EYS: variants seen among roughly 807,000 people sequenced by gnomAD.
EYS encodes the protein EGF-like photoreceptor maintenance factor.
In EYS, 250 loss-of-function variants were observed where a neutral mutation model predicts 282.1. That is an observed-to-expected ratio of 0.89 (90% CI 0.80 to 0.98). The LOEUF (loss-of-function observed/expected upper bound fraction) is 0.98. Among genes scored for constraint, EYS ranks in the 50% least tolerant of loss-of-function variants. EYS has a pLI of 0.00. For synonymous variants in EYS, 1,355 were observed against 1,282.9 expected, an observed-to-expected ratio of 1.06 and a Z score of -1.20; for missense variants, 4,016 against 3,709.0, an observed-to-expected ratio of 1.08 and a Z score of -2.15.
At chr6:64,839,608 A>G (rs1165163110) in intron 19 of EYS, among the ~76,000 whole-genome samples, 2 of 151,934 alleles carry the variant, frequency 1.3e-5, no homozygotes, top group Admixed American at 6.6e-5. Flanking sequence ...GCCTGTTTGT[A>G]TTGCTATAAT....
intron 5 of EYS, among the ~76,000 whole-genome samples, chr6:65,424,223 C>A (rs1227315067): frequency 6.6e-6 from 1 of 151,898 alleles, no homozygotes; most frequent in East Asian, 1.9e-4. Context: ...GATTAACAAT[C>A]CATAATCTCC....
At chr6:65,112,011 A>G (rs1307741002) in intron 12 of EYS, among the ~76,000 whole-genome samples, 1 of 152,132 alleles carries the variant, frequency 6.6e-6, no homozygotes, top group East Asian at 1.9e-4. Flanking sequence ...CCTCCGCTTG[A>G]GATATGAGAT....
chr6:65,525,054 G>T (rs957054741), intron 2 of EYS, among the ~76,000 whole-genome samples: 2 of 117,506 alleles, frequency 1.7e-5, no homozygotes, highest in Non-Finnish European at 3.4e-5. Flanking sequence ...TTTCTAAACT[G>T]ATTTTTTTTT....
chr6:64,324,836 G>T (rs1354312124), intron 29 of EYS, among the ~76,000 whole-genome samples: 2 of 152,144 alleles, frequency 1.3e-5, no homozygotes, highest in Non-Finnish European at 2.9e-5. Flanking sequence ...CAGGCTGAGA[G>T]TCAAATCAAG....
intron 22 of EYS, among the ~76,000 whole-genome samples, chr6:64,796,107 T>C (rs1192608938): frequency 6.6e-6 from 1 of 152,200 alleles, no homozygotes; most frequent in African/African-American, 2.4e-5. Context: ...ATCTGGATGT[T>C]ATTGAGGCAG....
At chr6:64,127,526 A>C (rs1773825159) in intron 31 of EYS, among the ~76,000 whole-genome samples, 1 of 152,140 alleles carries the variant, frequency 6.6e-6, no homozygotes, top group African/African-American at 2.4e-5. Context: ...TATTGTGTTC[A>C]AAATGATTTC....
intron 34 of EYS, among the ~76,000 whole-genome samples, chr6:63,998,102 A>G (rs1767917754): frequency 6.6e-6 from 1 of 152,196 alleles, no homozygotes; most frequent in Non-Finnish European, 1.5e-5. Context: ...GAAGATCAGT[A>G]CAGTGCATTA....
intron 5 of EYS, among the ~76,000 whole-genome samples, chr6:65,413,743 C>T (rs1482880714): frequency 1.3e-5 from 2 of 151,956 alleles, no homozygotes; most frequent in Non-Finnish European, 2.9e-5. Context: ...GTAACCCCTG[C>T]TACTCGGAAG....
chr6:64,264,270 C>T (rs1437663534), intron 30 of EYS, among the ~76,000 whole-genome samples: 1 of 152,094 alleles, frequency 6.6e-6, no homozygotes. Flanking sequence ...CACAATTCGG[C>T]AGGTTGCTAA....
intron 12 of EYS, among the ~76,000 whole-genome samples, chr6:65,233,492 C>T (rs923681194): frequency 1.3e-5 from 2 of 152,062 alleles, no homozygotes; most frequent in South Asian, 2.1e-4. Flanking sequence ...AAGAATATAG[C>T]TATTTATTGT....
At chr6:64,936,400 T>C (rs1182109381) in intron 15 of EYS, among the ~76,000 whole-genome samples, 2 of 151,480 alleles carry the variant, frequency 1.3e-5, no homozygotes. Flanking sequence ...ACAAGCATAT[T>C]TAGTCTGTCA....
At chr6:64,261,876 C>A (rs1767600990) in intron 30 of EYS, among the ~76,000 whole-genome samples, 1 of 151,862 alleles carries the variant, frequency 6.6e-6, no homozygotes, top group Admixed American at 6.6e-5. Flanking sequence ...CCCACCTCTT[C>A]CTCCTGAGTA....
At chr6:64,799,198 CT>C (rs1253795966) in intron 22 of EYS, among the ~76,000 whole-genome samples, 1 of 151,688 alleles carries the variant, frequency 6.6e-6, no homozygotes, top group Admixed American at 6.6e-5. Flanking sequence ...ACCTCTACTA[CT>C]TTTTTTTAAT....
intron 2 of EYS, among the ~76,000 whole-genome samples, chr6:65,582,240 CTG>C (rs2127361332): frequency 6.8e-6 from 1 of 146,080 alleles, no homozygotes; most frequent in South Asian, 2.1e-4. Flanking sequence ...TAAAAGCTTT[CTG>C]AGAACATTTG....
chr6:65,586,647 C>G (rs545166925), intron 2 of EYS, among the ~76,000 whole-genome samples: 2 of 152,056 alleles, frequency 1.3e-5, no homozygotes, highest in East Asian at 3.9e-4. Context: ...ATGCCCACCA[C>G]AGAATAAGAA....
At chr6:64,658,772 G>T (rs1045038550) in intron 22 of EYS, among the ~76,000 whole-genome samples, 2 of 152,150 alleles carry the variant, frequency 1.3e-5, no homozygotes, top group South Asian at 4.1e-4. Flanking sequence ...CTACTGGGGG[G>T]TGCCTCCCAG....
At position 65,261,059 on chromosome 6, in the gene EYS, T is replaced by C. The variant is rs141675469; in HGVS notation, c.2023+34804A>G. On this transcript the variant is annotated intron_variant, in intron 12 of 42. Transcript: ENST00000503581. ...GACTTTACTTGGGGGAACTTTGCAC[T>C]TCACTGATCTTTAAAGAGTGGAGAA... 2.6e-5 allele frequency among the ~76,000 whole-genome samples: 4 copies of C among 152,156 alleles called. No individual in the cohort carries two copies. In the East Asian group the frequency reaches 7.7e-4, roughly 29 times the overall value.
At chr6:65,430,819 C>A (rs112571154) in intron 5 of EYS, among the ~76,000 whole-genome samples, 2,333 of 152,230 alleles carry the variant, frequency 0.015, 20 homozygotes, top group Middle Eastern at 0.044. Context: ...AGGATCCAGT[C>A]CTGGCAGCAT....
At chr6:64,483,215 A>C (rs747149701) in intron 26 of EYS, among the ~76,000 whole-genome samples, 14 of 151,708 alleles carry the variant, frequency 9.2e-5, no homozygotes, top group Non-Finnish European at 1.9e-4. Flanking sequence ...AATAGGCATA[A>C]CCATGTTCCA....
Sources: allele counts gnomAD v4.1 joint callset (sites outside exome capture counted in the v4.1 genomes callset), GRCh38; gene constraint gnomAD v4.1.1; transcripts MANE v1.5; gene names NCBI Gene and HGNC (gene_info 2026-07-23, HGNC 2026-07-21).